SAMD5: variants seen among roughly 807,000 people sequenced by gnomAD.
SAMD5 encodes the protein sterile alpha motif domain-containing protein 5.
Under a neutral mutation model 11.3 loss-of-function variants are expected in SAMD5, and 13 were observed. The observed-to-expected ratio is 1.15, with a 90% CI of 0.75 to 1.83. SAMD5 has a LOEUF of 1.83. Ranked by LOEUF, SAMD5 falls within the 40% of genes most tolerant of loss-of-function variation. The pLI is 0.00. For missense variants in SAMD5, 255 were observed against 239.1 expected (o/e 1.07, Z -0.44); for synonymous variants, 129 against 111.3 (o/e 1.16, Z -1.00).
At chr6:147,692,783 A>G (rs954721572) in intron 1 of SAMD5, among the ~76,000 whole-genome samples, 3 of 152,236 alleles carry the variant, frequency 2.0e-5, no homozygotes, top group African/African-American at 7.2e-5. Context: ...TGATCCACTA[A>G]TAAGTGTTTG....
chr6:147,750,287 C>CT, the SAMD5 span, among the ~76,000 whole-genome samples: 31 of 152,270 alleles, frequency 2.0e-4, no homozygotes, highest in Admixed American at 3.3e-4. Context: ...AAATGTGCAT[C>CT]TTTTTAGATG....
chr6:147,532,497 A>G (rs1440111463), intron 1 of SAMD5, among the ~76,000 whole-genome samples: 1 of 152,246 alleles, frequency 6.6e-6, no homozygotes, highest in Non-Finnish European at 1.5e-5. Flanking sequence ...GCTGAGTAGT[A>G]TTCCACATCC....
chr6:147,520,746 G>A (rs367831110), intron 1 of SAMD5, among the ~76,000 whole-genome samples: 3 of 152,024 alleles, frequency 2.0e-5, no homozygotes, highest in African/African-American at 4.8e-5. Context: ...AGATATAATT[G>A]ACAAATAAAA....
the SAMD5 span, among the ~76,000 whole-genome samples, chr6:147,929,735 A>G: frequency 6.6e-6 from 1 of 152,126 alleles, no homozygotes; most frequent in Admixed American, 6.6e-5. Context: ...ATCACTGTTG[A>G]TGGGATTTTC....
intron 1 of SAMD5, among the ~76,000 whole-genome samples, chr6:147,549,194 C>T (rs1370072272): frequency 6.6e-6 from 1 of 152,198 alleles, no homozygotes; most frequent in African/African-American, 2.4e-5. Flanking sequence ...TGATAAACGC[C>T]TGATACTTGC....
chr6:147,739,747 G>A (rs1365797671), downstream of SAMD5, among the ~76,000 whole-genome samples: 1 of 151,994 alleles, frequency 6.6e-6, no homozygotes, highest in Non-Finnish European at 1.5e-5. Flanking sequence ...ATTTATGTTT[G>A]TTATTCACAT....
At chr6:147,789,771 T>C in the SAMD5 span, among the ~76,000 whole-genome samples, 1 of 152,228 alleles carries the variant, frequency 6.6e-6, no homozygotes, top group Non-Finnish European at 1.5e-5. Flanking sequence ...TTGTTTTTGA[T>C]GACTGTGACG....
At chr6:147,617,325 T>G (rs2128449752) in intron 1 of SAMD5, among the ~76,000 whole-genome samples, 1 of 152,246 alleles carries the variant, frequency 6.6e-6, no homozygotes, top group Middle Eastern at 3.4e-3. Flanking sequence ...CTTATGGTGG[T>G]TGTGTGTTCA....
the SAMD5 span, among the ~76,000 whole-genome samples, chr6:147,931,115 A>G: frequency 6.6e-6 from 1 of 152,338 alleles, no homozygotes; most frequent in East Asian, 1.9e-4. Context: ...CAAGAATGAC[A>G]GAAGAACATT....
At chr6:147,654,670 G>C (rs761496486) in intron 1 of SAMD5, among the ~76,000 whole-genome samples, 4 of 151,914 alleles carry the variant, frequency 2.6e-5, no homozygotes, top group Non-Finnish European at 5.9e-5. Context: ...AAGTGCCTGT[G>C]AGTAAGCAGT....
At chr6:147,660,148 C>T (rs191168648) in intron 1 of SAMD5, among the ~76,000 whole-genome samples, 46 of 152,260 alleles carry the variant, frequency 3.0e-4, no homozygotes, top group African/African-American at 1.0e-3. Flanking sequence ...TTATGATATG[C>T]GGAAATGCCC....
the SAMD5 span, among the ~76,000 whole-genome samples, chr6:147,881,688 T>C: frequency 6.6e-6 from 1 of 152,164 alleles, no homozygotes; most frequent in African/African-American, 2.4e-5. Context: ...TCTGCTCCCA[T>C]AAAATCCTAG....
intron 1 of SAMD5, among the ~76,000 whole-genome samples, chr6:147,653,158 C>T (rs554815432): frequency 2.6e-5 from 4 of 152,234 alleles, no homozygotes; most frequent in East Asian, 1.9e-4. Context: ...TTAAAATCCA[C>T]GTATTTCCTA....
downstream of SAMD5, among the ~76,000 whole-genome samples, chr6:147,742,503 T>C (rs1791893771): frequency 6.6e-6 from 1 of 152,206 alleles, no homozygotes; most frequent in South Asian, 2.1e-4. Context: ...TATTATCAGA[T>C]GAAAACAAAA....
the SAMD5 span, among the ~76,000 whole-genome samples, chr6:147,774,539 T>A: frequency 6.6e-6 from 1 of 152,152 alleles, no homozygotes; most frequent in Non-Finnish European, 1.5e-5. Flanking sequence ...ACAATGTAAA[T>A]GCTATGTAAG....
intron 1 of SAMD5, among the ~76,000 whole-genome samples, chr6:147,598,944 G>A (rs1156261045): frequency 6.6e-6 from 1 of 152,094 alleles, no homozygotes; most frequent in Non-Finnish European, 1.5e-5. Flanking sequence ...GTTCTTCTGG[G>A]GAACACAGAC....
intron 1 of SAMD5, among the ~76,000 whole-genome samples, chr6:147,668,208 G>A (rs949767766): frequency 5.1e-4 from 78 of 152,184 alleles, no homozygotes; most frequent in African/African-American, 1.9e-3. Context: ...ACCTTCTCCT[G>A]TGCATCTATA....
chr6:147,842,152 G>A, the SAMD5 span, among the ~76,000 whole-genome samples: 1 of 151,696 alleles, frequency 6.6e-6, no homozygotes, highest in Non-Finnish European at 1.5e-5. Flanking sequence ...AAAAAAACAG[G>A]GAGAAAAAAT....
rs951200828 is a variant in SAMD5 at position 147,711,615 on chromosome 6, G to A, written c.163-25702G>A. Among the ~76,000 whole-genome samples the A allele has an allele frequency of 1.3e-5, 2 of 152,206 alleles. No individual in the cohort carries two copies. Among genetic ancestry groups the A allele is most frequent in the African/African-American group, 4.8e-5 (2 of 41,462 alleles). ...AAATATTGCAGAGAGTAAAGAAAAGGCTAGGAATGCCAAATTAAATTTCTT... is the reference window on the plus strand; with the variant it reads ...AAATATTGCAGAGAGTAAAGAAAAGACTAGGAATGCCAAATTAAATTTCTT... On this transcript the variant is annotated intron_variant, in intron 1 of 1. Transcript: ENST00000566741. The surrounding 1 kb of genome is among the most constrained non-coding windows in gnomAD (Gnocchi z 4.1).
Sources: gnomAD v4.1 joint callset for allele counts (sites outside exome capture counted in the v4.1 genomes callset) on GRCh38, gnomAD v4.1.1 for gene constraint, Gnocchi (gnomAD v3.1) non-coding constraint, MANE v1.5 for transcripts, NCBI Gene and HGNC (gene_info 2026-07-23, HGNC 2026-07-21) for gene names.